Variants in CLPTM1L observed in about 807,000 individuals in gnomAD.
The protein encoded by CLPTM1L is CLPTM1 like.
A neutral mutation model predicts 70.9 loss-of-function variants in CLPTM1L; 38 were observed. That is an observed-to-expected ratio of 0.54 (90% CI 0.41 to 0.70). CLPTM1L has a LOEUF of 0.70. Among genes scored for constraint, CLPTM1L ranks in the 30% least tolerant of loss-of-function variants. The pLI is 0.00. For missense variants in CLPTM1L, 652 were observed against 705.9 expected (o/e 0.92, Z 0.87); for synonymous variants, 339 against 299.9 (o/e 1.13, Z -1.35).
chr5:1,332,074 CCAGG>C (rs1257288429), intron 7 of CLPTM1L, 191 bp from the exon 8 acceptor site: 1 of 596,214 alleles, frequency 1.7e-6, no homozygotes, highest in African/African-American at 1.9e-5. Flanking sequence ...CCTAGAGTGC[CCAGG>C]CGGGCTTTGC....
Position 1,334,392 on chromosome 5 carries a change from G to T in CLPTM1L, c.797-9C>A. ...ATCTTTCTCTGAAAACCCTGTCAAG[G>T]AAAAAAAAACATACAATATAAAACA... On this transcript the variant is annotated splice_polypyrimidine_tract_variant and intron_variant, in intron 6 of 16. Coordinates refer to ENST00000320895, the MANE Select transcript of CLPTM1L (RefSeq NM_030782.5). 6.8e-7 allele frequency: 1 copy of T among 1,476,298 alleles called. No homozygotes were observed. Among genetic ancestry groups the T allele is most frequent in the Non-Finnish European group, 9.4e-7 (1 of 1,058,964 alleles). 91.4% of individuals were successfully genotyped at this position (1,476,298 alleles called of 1,614,324 possible). A position where few individuals can be genotyped will look rare whatever the true frequency, so the allele number is the denominator to read the frequency against.
In CLPTM1L at chr5:1,342,343, T is replaced by C. The variant is rs1754004874; in HGVS notation, c.264-483A>G. On this transcript the variant is annotated intron_variant, in intron 2 of 16. Transcript: ENST00000320895. The surrounding 1 kb of genome is among the most constrained non-coding windows in gnomAD (Gnocchi z 4.3). The stretch of plus-strand genomic sequence containing the variant: ...TCAGAAATTTAATGTGGGTAGTTTT[T>C]TTGGGTGTTGTAGTTTTAAGGATAA... 6.6e-6 allele frequency among the ~76,000 whole-genome samples: 1 copy of C among 152,276 alleles called. No individual in the cohort carries two copies. The highest frequency in any genetic ancestry group is 2.1e-4 in the South Asian group (1 of 4,824).
Position 1,334,286 on chromosome 5 carries a change from C to T in CLPTM1L, c.891+3G>A. On this transcript the variant is annotated splice_donor_region_variant and intron_variant, in intron 7 of 16. Transcript: ENST00000320895. Reference sequence around the variant, plus strand: ...GCGGCAAGCCCCCCGGTGGATGACTCACATGGAACGCTGCGACAAAGAAGG... The same window carrying T: ...GCGGCAAGCCCCCCGGTGGATGACTTACATGGAACGCTGCGACAAAGAAGG... 6.2e-7 allele frequency: 1 copy of T among 1,612,680 alleles called. No homozygotes were observed. Among genetic ancestry groups the T allele is most frequent in the East Asian group, 2.2e-5 (1 of 44,866 alleles).
intron 10 of CLPTM1L, 169 bp from the exon 11 acceptor site, chr5:1,324,982 G>A (rs375526297): frequency 7.9e-6 from 5 of 631,180 alleles, no homozygotes; most frequent in South Asian, 1.9e-5. Flanking sequence ...ACGGGGATCC[G>A]CATGGATCCT....
At chr5:1,338,258 G>A (rs1044948565) in intron 4 of CLPTM1L, 22 of 525,308 alleles carry the variant, frequency 4.2e-5, no homozygotes, top group African/African-American at 1.3e-4. Context: ...ACAGGGACAC[G>A]GCCGTACAGC....
intron 2 of CLPTM1L, among the ~76,000 whole-genome samples, chr5:1,343,218 G>T (rs1041219211): frequency 2.0e-5 from 3 of 152,028 alleles, no homozygotes; most frequent in African/African-American, 7.2e-5. Context: ...TACGGCCAAA[G>T]TTGTAATGAA....
At chr5:1,340,079 G>GC (rs1278793364) in intron 3 of CLPTM1L, among the ~76,000 whole-genome samples, 6 of 152,246 alleles carry the variant, frequency 3.9e-5, no homozygotes, top group Non-Finnish European at 8.8e-5. Flanking sequence ...TCGCCAAACA[G>GC]CCCCCCATCC....
chr5:1,319,556 C>T (rs1312047074), intron 16 of CLPTM1L, among the ~76,000 whole-genome samples: 2 of 152,222 alleles, frequency 1.3e-5, no homozygotes. Context: ...GCACTGCGCT[C>T]CCCAAGGGCC....
In CLPTM1L at chr5:1,338,856, T is replaced by A; in HGVS notation, c.599+4A>T. ...CGGCGCTCCAGCTCTGGGGCCCCACTTACATCTTCATGTACCGATGCACAT... is the reference window on the plus strand; with the variant it reads ...CGGCGCTCCAGCTCTGGGGCCCCACATACATCTTCATGTACCGATGCACAT... On this transcript the variant is annotated splice_donor_region_variant and intron_variant, in intron 4 of 16. Transcript: ENST00000320895. The A allele has an allele frequency of 6.2e-7, 1 of 1,613,108 alleles. No homozygotes were observed. Among genetic ancestry groups the A allele is most frequent in the Non-Finnish European group, 8.5e-7 (1 of 1,179,968 alleles).
At chr5:1,329,365 G>C (rs1015989018) in intron 9 of CLPTM1L, among the ~76,000 whole-genome samples, 1 of 152,266 alleles carries the variant, frequency 6.6e-6, no homozygotes. Flanking sequence ...CTTTGCACAT[G>C]GTGGGATTTC....
At chr5:1,332,656 C>T (rs1014575724) in intron 7 of CLPTM1L, among the ~76,000 whole-genome samples, 7 of 152,182 alleles carry the variant, frequency 4.6e-5, no homozygotes, top group Admixed American at 3.3e-4. Flanking sequence ...TCCATGGTTT[C>T]GGTTAGCACG....
In CLPTM1L at chr5:1,328,947, C is replaced by CCAGCTCCTCCTCTACAGACACATTTCATA. The variant is rs1311311786; in HGVS notation, c.1080+1304_1080+1332dup. On this transcript the variant is annotated intron_variant, in intron 9 of 16. Coordinates refer to ENST00000320895, the MANE Select transcript of CLPTM1L (RefSeq NM_030782.5). ...CTCCTCCTCTACAGGGACATTCCAT[C>CCAGCTCCTCCTCTACAGACACATTTCATA]CAGCTCCTCCTCTACAGACACATTT... is the stretch of plus-strand genomic sequence containing the variant. 2.3e-3 allele frequency among the ~76,000 whole-genome samples: 344 copies of CCAGCTCCTCCTCTACAGACACATTTCATA among 151,892 alleles called. 2 individuals carry two copies. The highest frequency in any genetic ancestry group is 7.4e-3 in the African/African-American group (305 of 41,312).
In CLPTM1L at chr5:1,325,518, C is replaced by A. The variant is rs1752469207; in HGVS notation, c.1146+233G>T. ...CTTCCTCCCAGAGGCCGGCTCAGGCCCAGAAGTGCTGCCGTCTGCACTGAA... is the reference window on the plus strand; with the variant it reads ...CTTCCTCCCAGAGGCCGGCTCAGGCACAGAAGTGCTGCCGTCTGCACTGAA... On this transcript the variant is annotated intron_variant, in intron 10 of 16. Coordinates refer to ENST00000320895, the MANE Select transcript of CLPTM1L (RefSeq NM_030782.5). The A allele has an allele frequency of 5.5e-6, 3 of 547,370 alleles. No homozygotes were observed. The South Asian group carries it at 8.4e-5, about 15-fold the overall frequency. 33.9% of individuals were successfully genotyped at this position (547,370 alleles called of 1,614,324 possible).
At chr5:1,338,479 T>C (rs1033247939) in intron 4 of CLPTM1L, among the ~76,000 whole-genome samples, 7 of 152,232 alleles carry the variant, frequency 4.6e-5, no homozygotes, top group Admixed American at 3.3e-4. Context: ...ATTCCAATAA[T>C]TGTATTTAAC....
At position 1,342,033 on chromosome 5, in the gene CLPTM1L, T is replaced by TGC. The variant is rs1753971096; in HGVS notation, c.264-174_264-173insGC. Among the ~76,000 whole-genome samples, 1 of 132,676 alleles carries TGC rather than the reference T, an allele frequency of 7.5e-6. No individual in the cohort carries two copies. The highest frequency in any genetic ancestry group is 1.6e-5 in the Non-Finnish European group (1 of 63,248). 87.0% of individuals were successfully genotyped at this position (132,676 alleles called of 152,430 possible). A position where few individuals can be genotyped will look rare whatever the true frequency, so the allele number is the denominator to read the frequency against. ...TCGTGTGTGTGTGTGTGTGTGTGTGTGTGTGTGCACGCGCACGCGTGCGCG... is the reference window on the plus strand; with the variant it reads ...TCGTGTGTGTGTGTGTGTGTGTGTGTGCGTGTGTGCACGCGCACGCGTGCGCG... On this transcript the variant is annotated intron_variant, in intron 2 of 16. Transcript: ENST00000320895. The surrounding 1 kb of genome is among the most constrained non-coding windows in gnomAD (Gnocchi z 4.3).
intron 2 of CLPTM1L, among the ~76,000 whole-genome samples, chr5:1,343,611 C>CAG (rs922749752): frequency 5.1e-4 from 77 of 152,312 alleles, no homozygotes; most frequent in African/African-American, 1.7e-3. Context: ...TTCATGGAGG[C>CAG]AGAGAGAGGG....
intron 12 of CLPTM1L, 41 bp from the exon 13 acceptor site, chr5:1,322,952 G>A: frequency 6.4e-7 from 1 of 1,557,954 alleles, no homozygotes; most frequent in Middle Eastern, 1.7e-4. Flanking sequence ...TTCTCGCATA[G>A]CTTAATATCT....
intron 5 of CLPTM1L, among the ~76,000 whole-genome samples, chr5:1,336,013 G>C (rs563148517): frequency 6.6e-6 from 1 of 152,246 alleles, no homozygotes; most frequent in Admixed American, 6.5e-5. Context: ...GCTCTGCTAT[G>C]GCGGGCACTG....
At chr5:1,325,913 T>C (rs192440432) in intron 9 of CLPTM1L, 97 bp from the exon 10 acceptor site, 565 of 1,012,182 alleles carry the variant, frequency 5.6e-4, no homozygotes, top group Non-Finnish European at 7.7e-4. Flanking sequence ...CTGCTGCCCA[T>C]GGCCCCGCGC....
Sources: allele counts gnomAD v4.1 joint callset (sites outside exome capture counted in the v4.1 genomes callset), GRCh38; gene constraint gnomAD v4.1.1; non-coding constraint Gnocchi (gnomAD v3.1); transcripts MANE v1.5; gene names NCBI Gene and HGNC (gene_info 2026-07-23, HGNC 2026-07-21).